Variants in CDH4 observed in about 807,000 individuals in gnomAD.
CDH4 encodes the protein cadherin-4.
A neutral mutation model predicts 86.0 loss-of-function variants in CDH4; 33 were observed. The observed-to-expected ratio is 0.38, with a 90% CI of 0.29 to 0.51. The LOEUF is 0.51. CDH4 is among the 20% of genes least tolerant of loss of function. The pLI is 0.86. For missense variants in CDH4, 1,114 were observed against 1,307.4 expected (o/e 0.85, Z 2.28); for synonymous variants, 555 against 549.4 (o/e 1.01, Z -0.14).
At chr20:61,913,823 C>T (rs1032931460) in intron 9 of CDH4, among the ~76,000 whole-genome samples, 1 of 152,190 alleles carries the variant, frequency 6.6e-6, no homozygotes, top group Non-Finnish European at 1.5e-5. Flanking sequence ...GTGCTGACAG[C>T]AGCCAGGTGG....
At position 61,703,940 on chromosome 20, in the gene CDH4, A is replaced by T. The variant is rs151223794; in HGVS notation, c.170-39623A>T. ...TAAAATGAAAAGGTTGAGCTGGAGC[A>T]GAGGCAGGGGTGTGGTTGGGATGAG... On this transcript the variant is annotated intron_variant, in intron 2 of 15. Transcript: ENST00000614565. The surrounding 1 kb of genome is among the most constrained non-coding windows in gnomAD (Gnocchi z 4.3). Among the ~76,000 whole-genome samples the T allele has an allele frequency of 2.3e-3, 344 of 152,272 alleles. 10 individuals carry two copies. The highest frequency in any genetic ancestry group is 0.021 in the Admixed American group (319 of 15,292).
chr20:61,502,003 A>G (rs1349268971), intron 2 of CDH4, among the ~76,000 whole-genome samples: 2 of 149,390 alleles, frequency 1.3e-5, no homozygotes, highest in Admixed American at 1.3e-4. Context: ...TGGGCGCGTG[A>G]GGGCTGTGGG....
intron 6 of CDH4, among the ~76,000 whole-genome samples, chr20:61,862,646 GA>G (rs2146130933): frequency 6.6e-6 from 1 of 152,308 alleles, no homozygotes; most frequent in Non-Finnish European, 1.5e-5. Context: ...CAGCATCAGA[GA>G]ACGAGCTCTC....
intron 4 of CDH4, among the ~76,000 whole-genome samples, chr20:61,789,135 G>A (rs914941528): frequency 3.9e-5 from 6 of 152,204 alleles, no homozygotes; most frequent in African/African-American, 1.2e-4. Flanking sequence ...GTACCAACCC[G>A]GGGAAAAGTC....
intron 2 of CDH4, among the ~76,000 whole-genome samples, chr20:61,572,966 G>T (rs1461715563): frequency 6.6e-6 from 1 of 150,476 alleles, no homozygotes; most frequent in Non-Finnish European, 1.5e-5. Flanking sequence ...ACAGACATGG[G>T]TGGAAGGATG....
At chr20:61,765,831 C>G (rs879338446) in intron 3 of CDH4, among the ~76,000 whole-genome samples, 3 of 152,102 alleles carry the variant, frequency 2.0e-5, no homozygotes, top group Admixed American at 6.5e-5. Context: ...ATCTCAAACC[C>G]TCATCCAGGG....
intron 2 of CDH4, among the ~76,000 whole-genome samples, chr20:61,456,021 AGAAG>A (rs779911473): frequency 8.6e-5 from 13 of 151,502 alleles, no homozygotes; most frequent in Non-Finnish European, 1.6e-4. Flanking sequence ...AGGGAGGGAG[AGAAG>A]GAAGGATAGA....
At chr20:61,361,983 C>T (rs1166118667) in intron 2 of CDH4, among the ~76,000 whole-genome samples, 4 of 152,222 alleles carry the variant, frequency 2.6e-5, no homozygotes, top group Non-Finnish European at 4.4e-5. Flanking sequence ...CCACACTCTC[C>T]GAGAGGGGAC....
At chr20:61,286,821 CTTTG>C (rs923071022) in intron 2 of CDH4, among the ~76,000 whole-genome samples, 23 of 152,294 alleles carry the variant, frequency 1.5e-4, no homozygotes, top group Middle Eastern at 6.8e-3. Flanking sequence ...TCCTCTGGGA[CTTTG>C]TTTGTTTGTT....
chr20:61,774,989 C>G (rs1056896954), intron 4 of CDH4, among the ~76,000 whole-genome samples: 2 of 152,140 alleles, frequency 1.3e-5, no homozygotes, highest in Admixed American at 6.5e-5. Flanking sequence ...TGACCATACA[C>G]GTGCATGTGT....
At chr20:61,529,926 C>T (rs1303084889) in intron 2 of CDH4, among the ~76,000 whole-genome samples, 1 of 152,174 alleles carries the variant, frequency 6.6e-6, no homozygotes, top group Non-Finnish European at 1.5e-5. Context: ...TAACCTCTGC[C>T]TCGCAGATTC....
chr20:61,727,997 T>C (rs1464028749), intron 2 of CDH4, among the ~76,000 whole-genome samples: 1 of 152,184 alleles, frequency 6.6e-6, no homozygotes, highest in African/African-American at 2.4e-5. Flanking sequence ...CTCCCAGCAG[T>C]GTAGGAAGCA....
chr20:61,832,356 T>G (rs973766243), intron 4 of CDH4, among the ~76,000 whole-genome samples: 5 of 152,218 alleles, frequency 3.3e-5, no homozygotes, highest in Non-Finnish European at 7.3e-5. Flanking sequence ...AATGGCCTTG[T>G]CTGTATTAAC....
At chr20:61,697,760 T>C (rs2087730926) in intron 2 of CDH4, among the ~76,000 whole-genome samples, 2 of 152,070 alleles carry the variant, frequency 1.3e-5, no homozygotes, top group South Asian at 4.2e-4. Flanking sequence ...CCCAGAGGGG[T>C]GTCCATCTCC....
At position 61,810,616 on chromosome 20, in the gene CDH4, C is replaced by T. The variant is rs1359810834; in HGVS notation, c.577-34052C>T. 5.3e-5 allele frequency among the ~76,000 whole-genome samples: 8 copies of T among 152,198 alleles called. No homozygotes were observed. The highest frequency in any genetic ancestry group is 5.2e-4 in the Admixed American group (8 of 15,280). On this transcript the variant is annotated intron_variant, in intron 4 of 15. Coordinates refer to ENST00000614565, the MANE Select transcript of CDH4 (RefSeq NM_001794.5). The surrounding 1 kb of genome is among the most constrained non-coding windows in gnomAD (Gnocchi z 4.3). The stretch of plus-strand genomic sequence containing the variant: ...TCCTGCCTCCCGCCCTGCTCCCATC[C>T]ACCACTACCAACACCTCCCAGCCCC...
chr20:61,253,779 C>G (rs1427622900), intron 1 of CDH4, among the ~76,000 whole-genome samples: 4 of 152,164 alleles, frequency 2.6e-5, no homozygotes, highest in African/African-American at 9.7e-5. Context: ...GCCTGGAGCT[C>G]CGGGCTGGGG....
intron 2 of CDH4, among the ~76,000 whole-genome samples, chr20:61,528,190 A>G: frequency 6.7e-6 from 1 of 149,328 alleles, no homozygotes; most frequent in East Asian, 2.1e-4. Context: ...AGCTTGGCCA[A>G]CATGGCGAAA....
At chr20:61,699,159 CGCACAGGCG>C (rs2087746164) in intron 2 of CDH4, among the ~76,000 whole-genome samples, 4 of 152,232 alleles carry the variant, frequency 2.6e-5, no homozygotes, top group African/African-American at 9.6e-5. Context: ...TGTGTGGTGG[CGCACAGGCG>C]CTCTGACCTT....
At chr20:61,263,613 G>A (rs1001475104) in intron 2 of CDH4, among the ~76,000 whole-genome samples, 6 of 152,202 alleles carry the variant, frequency 3.9e-5, no homozygotes, top group African/African-American at 1.4e-4. Context: ...CCTTTTCCAG[G>A]AGGAATTTAC....
Sources: allele counts gnomAD v4.1 joint callset (sites outside exome capture counted in the v4.1 genomes callset), GRCh38; gene constraint gnomAD v4.1.1; non-coding constraint Gnocchi (gnomAD v3.1); transcripts MANE v1.5; gene names NCBI Gene and HGNC (gene_info 2026-07-23, HGNC 2026-07-21).